Variants in RPUSD4 observed in about 807,000 individuals in gnomAD.
RPUSD4 encodes the protein pseudouridylate synthase RPUSD4, mitochondrial.
RPUSD4 carries 37 observed loss-of-function variants against 35.4 expected under a neutral mutation model. That is an observed-to-expected ratio of 1.04 (90% CI 0.80 to 1.37). The LOEUF is 1.37. Among genes scored for constraint, RPUSD4 ranks in the 40% most tolerant of loss-of-function variants. The pLI, the probability that RPUSD4 is intolerant of heterozygous loss-of-function variation, is 0.00. For missense variants in RPUSD4, 507 were observed against 484.9 expected (o/e 1.05, Z -0.43); for synonymous variants, 210 against 192.7 (o/e 1.09, Z -0.74).
Position 126,211,646 on chromosome 11 carries a change from G to C in RPUSD4, c.-8C>G. On this transcript the variant is annotated 5_prime_UTR_variant, in exon 1 of 7. Coordinates refer to ENST00000298317, the MANE Select transcript of RPUSD4 (RefSeq NM_032795.3). Reference sequence around the variant, plus strand: ...CCACCTGGGCGCCGCCATCTTACAAGGAAGGGCGGGGCGAGCCAAGACCAC... The same window carrying C: ...CCACCTGGGCGCCGCCATCTTACAACGAAGGGCGGGGCGAGCCAAGACCAC... 6.2e-7 allele frequency: 1 copy of C among 1,610,534 alleles called. No homozygotes were observed. Among genetic ancestry groups the C allele is most frequent in the Non-Finnish European group, 8.5e-7 (1 of 1,179,072 alleles).
chr11:126,211,239 A>G (rs1011078240), intron 1 of RPUSD4, 184 bp from the exon 2 acceptor site: 1 of 913,012 alleles, frequency 1.1e-6, no homozygotes, highest in Non-Finnish European at 1.7e-6. Flanking sequence ...CGCAGTGGTT[A>G]GGACTGAGCC....
intron 3 of RPUSD4, among the ~76,000 whole-genome samples, chr11:126,207,169 A>C (rs1949782414): frequency 6.6e-6 from 1 of 152,196 alleles, no homozygotes; most frequent in African/African-American, 2.4e-5. Flanking sequence ...ACTATCTCAT[A>C]AATCCTACTG....
chr11:126,210,863 C>T, intron 2 of RPUSD4, 27 bp downstream of exon 2: 1 of 1,599,844 alleles, frequency 6.3e-7, no homozygotes, highest in South Asian at 1.1e-5. Context: ...GCTGCAGGTT[C>T]CTCCACCTTT....
At chr11:126,204,721 C>G (rs1203775639) in intron 5 of RPUSD4, among the ~76,000 whole-genome samples, 1 of 152,214 alleles carries the variant, frequency 6.6e-6, no homozygotes, top group East Asian at 1.9e-4. Flanking sequence ...ATACTAAATG[C>G]CAAGTCAGTG....
intron 3 of RPUSD4, 135 bp downstream of exon 3, chr11:126,209,386 T>C: frequency 1.4e-6 from 1 of 716,282 alleles, no homozygotes; most frequent in South Asian, 1.8e-5. Flanking sequence ...CAAAGCTGTT[T>C]CACATATTTT....
chr11:126,208,356 T>A (rs1309722311), intron 3 of RPUSD4, among the ~76,000 whole-genome samples: 1 of 152,150 alleles, frequency 6.6e-6, no homozygotes, highest in Non-Finnish European at 1.5e-5. Context: ...CTCTAAGATA[T>A]ATGATCCAAG....
intron 3 of RPUSD4, among the ~76,000 whole-genome samples, chr11:126,208,354 T>G (rs1430183055): frequency 6.6e-6 from 1 of 152,154 alleles, no homozygotes; most frequent in Non-Finnish European, 1.5e-5. Context: ...TGCTCTAAGA[T>G]ATATGATCCA....
chr11:126,205,683 C>A lies in RPUSD4; in HGVS notation c.651+5G>T. 6.2e-7 allele frequency: 1 copy of A among 1,612,988 alleles called. No homozygotes were observed. The highest frequency in any genetic ancestry group is 1.1e-5 in the South Asian group (1 of 90,970). On this transcript the variant is annotated splice_donor_5th_base_variant and intron_variant, in intron 4 of 6. Transcript: ENST00000298317. Reference sequence around the variant, plus strand: ...ACCCATGCCTCAGGGAGGCTGCTCGCTCACCTTGTGGTGTTGCTGCTGGCC... The same window carrying A: ...ACCCATGCCTCAGGGAGGCTGCTCGATCACCTTGTGGTGTTGCTGCTGGCC...
rs772006567 is a variant in RPUSD4, at chr11:126,203,108, C to T, written c.*310G>A. 39 of 271,012 alleles carry T rather than the reference C, an allele frequency of 1.4e-4. No homozygotes were observed. Among genetic ancestry groups the T allele is most frequent in the Non-Finnish European group, 2.5e-4 (35 of 142,184 alleles). 16.8% of individuals were successfully genotyped at this position (271,012 alleles called of 1,614,324 possible). A position where few individuals can be genotyped will look rare whatever the true frequency, so the allele number is the denominator to read the frequency against. ...TTTAGTTTTCCTTTTCCAGTCACTG[C>T]CCCAGTCTGCCTGGCCCTGGGCTCT... is the stretch of plus-strand genomic sequence containing the variant. On this transcript the variant is annotated 3_prime_UTR_variant, in exon 7 of 7. Coordinates refer to ENST00000298317, the MANE Select transcript of RPUSD4 (RefSeq NM_032795.3).
chr11:126,211,610 C>G lies in RPUSD4; in HGVS notation c.29G>C (p.Gly10Ala). MAAPRWSAS[G>A]PWIRGNGQGC... Reference sequence around the variant, plus strand: ...TTGGCCGTTTCCCCGGATCCAGGGGCCCGACGCGCTCCACCTGGGCGCCGC... The same window carrying G: ...TTGGCCGTTTCCCCGGATCCAGGGGGCCGACGCGCTCCACCTGGGCGCCGC... Residue 10 changes from glycine (G) to alanine (A), a missense_variant, in exon 1 of 7, where the codon GGC becomes GCC. Coordinates refer to ENST00000298317, the MANE Select transcript of RPUSD4 (RefSeq NM_032795.3). 1 of 1,613,824 alleles carries G rather than the reference C, an allele frequency of 6.2e-7. No homozygotes were observed. The highest frequency in any genetic ancestry group is 8.5e-7 in the Non-Finnish European group (1 of 1,179,982).
In RPUSD4 at chr11:126,205,768, G is replaced by A. The variant is rs1444860357; in HGVS notation, c.571C>T (p.His191Tyr). 1 of 1,607,456 alleles carries A rather than the reference G, an allele frequency of 6.2e-7. No homozygotes were observed. Among genetic ancestry groups the A allele is most frequent in the Non-Finnish European group, 8.5e-7 (1 of 1,175,860 alleles). The change falls in exon 4 of 7, where the codon CAT becomes TAT. Residue 191 changes from histidine to tyrosine, a missense_variant. Coordinates refer to ENST00000298317, the MANE Select transcript of RPUSD4 (RefSeq NM_032795.3). ...ACTCCTGCTGAGGGCATGGGGACAT[G>A]CACAGTGATGGCCCTGGGGGTGACA... ...VVKKYWAITV[H>Y]VPMPSAGVVD...
Position 126,205,672 on chromosome 11 carries a change from G to A in RPUSD4, c.651+16C>T, listed in dbSNP as rs771921475. 1 of 1,613,046 alleles carries A rather than the reference G, an allele frequency of 6.2e-7. No homozygotes were observed. Among genetic ancestry groups the A allele is most frequent in the Non-Finnish European group, 8.5e-7 (1 of 1,179,088 alleles). On this transcript the variant is annotated intron_variant, in intron 4 of 6. Transcript: ENST00000298317. Reference sequence around the variant, plus strand: ...GAAGAGCAGCAACCCATGCCTCAGGGAGGCTGCTCGCTCACCTTGTGGTGT... The same window carrying A: ...GAAGAGCAGCAACCCATGCCTCAGGAAGGCTGCTCGCTCACCTTGTGGTGT...
At position 126,205,520 on chromosome 11, in the gene RPUSD4, C is replaced by T. The variant is rs1379468816; in HGVS notation, c.744G>A (p.Gln248=). 6.2e-7 allele frequency: 1 copy of T among 1,614,278 alleles called. No individual in the cohort carries two copies. The highest frequency in any genetic ancestry group is 1.1e-5 in the South Asian group (1 of 91,082). The change falls in exon 5 of 7, where the codon CAG becomes CAA. Residue 248 remains glutamine (Q), a synonymous_variant. Transcript: ENST00000298317. The part of the protein sequence containing the change: ...RNAQVAVTQY[Q]VLSSTLSSAL... ...CGGAGGAGAGAGTGCTGCTGAGCAC[C>T]TGGTACTGAGTTACAGCAACTTGCG...
At position 126,202,550 on chromosome 11, in the gene RPUSD4, CT is replaced by C. The variant is rs956376058; in HGVS notation, c.*867del. ...TGATCCAGAATTTTCAAGATGGCACCTTTCCCCAAACTTCTATACCATTCAT... is the reference window on the plus strand; with the variant it reads ...TGATCCAGAATTTTCAAGATGGCACCTTCCCCAAACTTCTATACCATTCAT... On this transcript the variant is annotated 3_prime_UTR_variant, in exon 7 of 7. Transcript: ENST00000298317. 6.6e-6 allele frequency: 1 copy of C among 152,258 alleles called. No homozygotes were observed. The highest frequency in any genetic ancestry group is 1.5e-5 in the Non-Finnish European group (1 of 68,056). The allele number at this position is 152,258 out of a possible 1,614,324, so 9.4% of individuals were successfully genotyped here. A position where few individuals can be genotyped will look rare whatever the true frequency, so the allele number is the denominator to read the frequency against.
rs144884177 is a variant in RPUSD4, at chr11:126,210,190, A to C, written c.356-468T>G. ...ACTTTGCTTTCTCGTTATAAAATGT[A>C]AATATCTGGAAAACAACTTCATTGG... is the stretch of plus-strand genomic sequence containing the variant. On this transcript the variant is annotated intron_variant, in intron 2 of 6. Coordinates refer to ENST00000298317, the MANE Select transcript of RPUSD4 (RefSeq NM_032795.3). Among the ~76,000 whole-genome samples the C allele has an allele frequency of 6.9e-4, 105 of 152,334 alleles. No homozygotes were observed. In the East Asian group the frequency reaches 0.018, roughly 26 times the overall value.
At chr11:126,207,568 A>C (rs646427) in intron 3 of RPUSD4, among the ~76,000 whole-genome samples, 35,548 of 152,262 alleles carry the variant, frequency 0.23, 4,450 homozygotes, top group Non-Finnish European at 0.28. Flanking sequence ...CCTGGGCCAG[A>C]CACAGTGGCT....
chr11:126,205,335 C>G, intron 5 of RPUSD4, 133 bp downstream of exon 5: 1 of 1,077,322 alleles, frequency 9.3e-7, no homozygotes. Flanking sequence ...TGGGAGTCCC[C>G]GGCCTCAGAT....
intron 2 of RPUSD4, among the ~76,000 whole-genome samples, chr11:126,210,486 C>T (rs34399328): frequency 0.11 from 16,342 of 150,552 alleles, 1,146 homozygotes; most frequent in Non-Finnish European, 0.16. Flanking sequence ...TCCAGTCACT[C>T]TGGGGTTGTA....
intron 1 of RPUSD4, 37 bp downstream of exon 1, chr11:126,211,413 C>T (rs749125925): frequency 1.7e-5 from 27 of 1,560,432 alleles, no homozygotes; most frequent in East Asian, 2.3e-5. Context: ...CCAATGAGCG[C>T]ACTGCCTCTA....
Sources: allele counts gnomAD v4.1 joint callset (sites outside exome capture counted in the v4.1 genomes callset), GRCh38; gene constraint gnomAD v4.1.1; transcripts MANE v1.5; gene names NCBI Gene and HGNC (gene_info 2026-07-23, HGNC 2026-07-21).